GPR180: variants seen among roughly 807,000 people sequenced by gnomAD.
The protein encoded by GPR180 is G protein-coupled receptor 180.
A neutral mutation model predicts 52.6 loss-of-function variants in GPR180; 53 were observed. That is an observed-to-expected ratio of 1.01 (90% CI 0.81 to 1.27). GPR180 has a LOEUF of 1.27. Ranked by LOEUF, GPR180 falls within the 50% of genes most tolerant of loss-of-function variation. The pLI, the probability that GPR180 is intolerant of heterozygous loss-of-function variation, is 0.00. For missense variants in GPR180, 533 were observed against 527.0 expected, an observed-to-expected ratio of 1.01 and a Z score of -0.11; for synonymous variants, 200 against 193.1, an observed-to-expected ratio of 1.04 and a Z score of -0.30.
At chr13:94,610,515 A>C (rs1357160151) in intron 2 of GPR180, among the ~76,000 whole-genome samples, 1 of 152,206 alleles carries the variant, frequency 6.6e-6, no homozygotes, top group Non-Finnish European at 1.5e-5. Flanking sequence ...CTATTGAAGA[A>C]ACAAATTTAG....
intron 2 of GPR180, among the ~76,000 whole-genome samples, chr13:94,610,344 C>T (rs1482549586): frequency 6.6e-6 from 1 of 151,882 alleles, no homozygotes; most frequent in African/African-American, 2.4e-5. Flanking sequence ...ACTAATTTGT[C>T]CTTAAATATT....
At chr13:94,603,495 CAT>C (rs767872661) in intron 1 of GPR180, among the ~76,000 whole-genome samples, 6 of 152,246 alleles carry the variant, frequency 3.9e-5, no homozygotes, top group Admixed American at 1.3e-4. Context: ...TGTAAAATCA[CAT>C]ATAGTTATTA....
In GPR180 at chr13:94,630,129, A is replaced by G. The variant is rs1053743450; in HGVS notation, c.*2958A>G. The G allele has an allele frequency of 3.3e-5, 5 of 152,232 alleles. No individual in the cohort carries two copies. The highest frequency in any genetic ancestry group is 1.2e-4 in the African/African-American group (5 of 41,458). 9.4% of individuals were successfully genotyped at this position (152,232 alleles called of 1,614,324 possible). On this transcript the variant is annotated 3_prime_UTR_variant, in exon 9 of 9. Coordinates refer to ENST00000376958, the MANE Select transcript of GPR180 (RefSeq NM_180989.6). ...TATTCCAACATGTATTTGTGAATTG[A>G]GACTAAAATAATGAGATTGGTTTTC...
rs1222256060 is a variant in GPR180 at position 94,612,284 on chromosome 13, A to G, written c.399A>G (p.Gln133=). 2 of 1,613,890 alleles carry G rather than the reference A, an allele frequency of 1.2e-6. No homozygotes were observed. Among genetic ancestry groups the G allele is most frequent in the Admixed American group, 1.7e-5 (1 of 60,030 alleles). The change falls in exon 3 of 9, where the codon CAA becomes CAG. Residue 133 remains glutamine, a synonymous_variant. Coordinates refer to ENST00000376958, the MANE Select transcript of GPR180 (RefSeq NM_180989.6). ...HVFYADKYTC[Q]DDKENSQVED... ...TTTATGCAGACAAGTATACATGCCA[A>G]GATGACAAGGAGAATTCTCAGGTGG...
intron 5 of GPR180, among the ~76,000 whole-genome samples, chr13:94,620,764 G>A (rs1224033518): frequency 6.6e-6 from 1 of 152,098 alleles, no homozygotes; most frequent in African/African-American, 2.4e-5. Context: ...AGTTAGAAAA[G>A]CTAAGAAAAA....
Position 94,627,473 on chromosome 13 carries a change from C to A in GPR180, c.*302C>A. The A allele has an allele frequency of 3.1e-6, 1 of 317,996 alleles. No homozygotes were observed. Among genetic ancestry groups the A allele is most frequent in the Non-Finnish European group, 5.7e-6 (1 of 175,282 alleles). 19.7% of individuals were successfully genotyped at this position (317,996 alleles called of 1,614,324 possible). A position where few individuals can be genotyped will look rare whatever the true frequency, so the allele number is the denominator to read the frequency against. On this transcript the variant is annotated 3_prime_UTR_variant, in exon 9 of 9. Coordinates refer to ENST00000376958, the MANE Select transcript of GPR180 (RefSeq NM_180989.6). ...TGATATTTTGGTAAAATATTCACCACTTATAATGCCTCATCTTAATAGCTA... is the reference window on the plus strand; with the variant it reads ...TGATATTTTGGTAAAATATTCACCAATTATAATGCCTCATCTTAATAGCTA...
At chr13:94,604,598 AAG>A (rs937558349) in intron 1 of GPR180, among the ~76,000 whole-genome samples, 16 of 152,190 alleles carry the variant, frequency 1.1e-4, no homozygotes, top group African/African-American at 3.8e-4. Flanking sequence ...TCAAAAAAAA[AAG>A]AGTTTTGCTC....
At chr13:94,606,043 G>C (rs1437926664) in intron 2 of GPR180, among the ~76,000 whole-genome samples, 1 of 152,202 alleles carries the variant, frequency 6.6e-6, no homozygotes, top group African/African-American at 2.4e-5. Flanking sequence ...TGTAATCTCA[G>C]CACTTGGGGA....
At chr13:94,626,982 A>C (rs746980533) in intron 8 of GPR180, 31 bp from the exon 9 acceptor site, 3 of 1,506,254 alleles carry the variant, frequency 2.0e-6, no homozygotes, top group Non-Finnish European at 2.7e-6. Flanking sequence ...TTCTGCATGT[A>C]GTAAAAGCAT....
intron 6 of GPR180, among the ~76,000 whole-genome samples, chr13:94,621,582 A>G (rs182209711): frequency 6.6e-6 from 1 of 152,302 alleles, no homozygotes; most frequent in East Asian, 1.9e-4. Flanking sequence ...TCTCTAGCAC[A>G]TGGTAAGTAC....
At position 94,621,391 on chromosome 13, in the gene GPR180, G is replaced by T. The variant is rs533040853; in HGVS notation, c.894+156G>T. On this transcript the variant is annotated intron_variant, in intron 6 of 8. Coordinates refer to ENST00000376958, the MANE Select transcript of GPR180 (RefSeq NM_180989.6). ...GCTTCTACAATTTGTGTCATTTAAA[G>T]TATGAATTTAAAGAGTGTTAGATCA... Among the ~76,000 whole-genome samples the T allele has an allele frequency of 2.0e-5, 3 of 152,122 alleles. No homozygotes were observed. The East Asian group carries it at 5.8e-4, about 29-fold the overall frequency.
chr13:94,616,462 C>T (rs1889779691), intron 3 of GPR180, among the ~76,000 whole-genome samples: 1 of 152,158 alleles, frequency 6.6e-6, no homozygotes, highest in African/African-American at 2.4e-5. Flanking sequence ...TTAGGCTCTC[C>T]TCCTTTCTCA....
At chr13:94,609,752 G>GTTT in intron 2 of GPR180, among the ~76,000 whole-genome samples, 2 of 140,886 alleles carry the variant, frequency 1.4e-5, no homozygotes, top group Non-Finnish European at 1.6e-5. Context: ...CTGTATGTGT[G>GTTT]TTTTTTTTTT....
Position 94,618,420 on chromosome 13 carries a change from ATTT to A in GPR180, c.506-709_506-707del, listed in dbSNP as rs570807308. ...CATGGAGTCGCATGATCAGCACAGG[ATTT>A]TTTTTTTTTTTTTTTTTTTTGGCAA... On this transcript the variant is annotated intron_variant, in intron 3 of 8. Coordinates refer to ENST00000376958, the MANE Select transcript of GPR180 (RefSeq NM_180989.6). Among the ~76,000 whole-genome samples, 732 of 87,116 alleles carry A rather than the reference ATTT, an allele frequency of 8.4e-3. 15 individuals are homozygous for A. The highest frequency in any genetic ancestry group is 0.042 in the African/African-American group (659 of 15,812). 57.2% of individuals were successfully genotyped at this position (87,116 alleles called of 152,430 possible). A position where few individuals can be genotyped will look rare whatever the true frequency, so the allele number is the denominator to read the frequency against.
chr13:94,619,707 T>C (rs1889828330), intron 5 of GPR180, among the ~76,000 whole-genome samples, 190 bp downstream of exon 5: 1 of 152,128 alleles, frequency 6.6e-6, no homozygotes, highest in African/African-American at 2.4e-5. Context: ...TGTGTACAGC[T>C]CCTCGTTGTT....
At chr13:94,606,532 A>G (rs1022541382) in intron 2 of GPR180, among the ~76,000 whole-genome samples, 3 of 152,214 alleles carry the variant, frequency 2.0e-5, no homozygotes, top group African/African-American at 7.2e-5. Flanking sequence ...TCGCAAGTTA[A>G]TTAGGTGTAG....
rs1318217776 is a variant in GPR180, at chr13:94,634,164, A to G, written c.*6993A>G. 2.0e-5 allele frequency: 3 copies of G among 152,102 alleles called. No individual in the cohort carries two copies. The highest frequency in any genetic ancestry group is 7.2e-5 in the African/African-American group (3 of 41,444). 9.4% of individuals were successfully genotyped at this position (152,102 alleles called of 1,614,324 possible). A position where few individuals can be genotyped will look rare whatever the true frequency, so the allele number is the denominator to read the frequency against. Reference sequence around the variant, plus strand: ...TTTGAAATCAATTTTTCTGATTTTCAAAAGAAAAAAAATCCTGTTTAGTAT... The same window carrying G: ...TTTGAAATCAATTTTTCTGATTTTCGAAAGAAAAAAAATCCTGTTTAGTAT... On this transcript the variant is annotated 3_prime_UTR_variant, in exon 9 of 9. Coordinates refer to ENST00000376958, the MANE Select transcript of GPR180 (RefSeq NM_180989.6).
chr13:94,627,243 T>G lies in GPR180; in HGVS notation c.*72T>G, dbSNP rs977507788. 4.5e-6 allele frequency: 6 copies of G among 1,334,394 alleles called. No individual in the cohort carries two copies. The highest frequency in any genetic ancestry group is 6.3e-6 in the Non-Finnish European group (6 of 956,368). The allele number at this position is 1,334,394 out of a possible 1,614,324, so 82.7% of individuals were successfully genotyped here. ...AATAAGGATCCAAATACAGTGACTT[T>G]TTTTTCATACATTTAGTATGAAAAC... On this transcript the variant is annotated 3_prime_UTR_variant, in exon 9 of 9. Transcript: ENST00000376958.
intron 6 of GPR180, among the ~76,000 whole-genome samples, chr13:94,621,620 T>TTTGA (rs1187395650): frequency 1.3e-5 from 2 of 152,176 alleles, no homozygotes; most frequent in Admixed American, 6.5e-5. Flanking sequence ...ATTCCATGAA[T>TTTGA]TTGAGATTTA....
Sources: allele counts gnomAD v4.1 joint callset (sites outside exome capture counted in the v4.1 genomes callset), GRCh38; gene constraint gnomAD v4.1.1; transcripts MANE v1.5; gene names NCBI Gene and HGNC (gene_info 2026-07-23, HGNC 2026-07-21).